PTPN9: variants seen among roughly 807,000 people sequenced by gnomAD.
PTPN9 encodes tyrosine-protein phosphatase non-receptor type 9.
A neutral mutation model predicts 69.8 loss-of-function variants in PTPN9; 26 were observed. That is an observed-to-expected ratio of 0.37 (90% CI 0.27 to 0.52). PTPN9 has a LOEUF of 0.52. Among genes scored for constraint, PTPN9 ranks in the 20% least tolerant of loss-of-function variants. The pLI is 0.91. For missense variants in PTPN9, 549 were observed against 740.3 expected (o/e 0.74, Z 3.00); for synonymous variants, 274 against 272.5 (o/e 1.01, Z -0.05).
At chr15:75,503,549 G>C (rs2074788173) in intron 7 of PTPN9, among the ~76,000 whole-genome samples, 1 of 117,174 alleles carries the variant, frequency 8.5e-6, no homozygotes, top group Non-Finnish European at 1.9e-5. Flanking sequence ...GGAGGTGGGG[G>C]GGTCAGCCCC....
chr15:75,520,133 A>G (rs28610581), intron 4 of PTPN9, among the ~76,000 whole-genome samples: 50,706 of 151,830 alleles, frequency 0.33, 9,595 homozygotes, highest in African/African-American at 0.5. Context: ...TCTCTTAAAT[A>G]AAAAGAAACA....
intron 1 of PTPN9, among the ~76,000 whole-genome samples, chr15:75,575,773 G>T (rs1004650616): frequency 2.7e-5 from 4 of 150,826 alleles, no homozygotes; most frequent in African/African-American, 9.7e-5. Context: ...TGAAAAATTA[G>T]CCAGGCGTGG....
intron 10 of PTPN9, among the ~76,000 whole-genome samples, 180 bp downstream of exon 10, chr15:75,473,509 C>G (rs2074579860): frequency 6.6e-6 from 1 of 152,196 alleles, no homozygotes; most frequent in South Asian, 2.1e-4. Flanking sequence ...CCAGGCTAGT[C>G]TGGAACTCCT....
chr15:75,529,466 A>T (rs2074945482), intron 1 of PTPN9, among the ~76,000 whole-genome samples: 1 of 152,160 alleles, frequency 6.6e-6, no homozygotes, highest in Admixed American at 6.6e-5. Context: ...ATTTATTCAT[A>T]TTTAATAAGC....
rs772226681 is a variant in PTPN9, at chr15:75,473,813, T to G, written c.1130-46A>C. 3 of 1,467,072 alleles carry G rather than the reference T, an allele frequency of 2.0e-6. No homozygotes were observed. The Admixed American group carries it at 5.3e-5, about 26-fold the overall frequency. The allele number at this position is 1,467,072 out of a possible 1,614,324, so 90.9% of individuals were successfully genotyped here. A position where few individuals can be genotyped will look rare whatever the true frequency, so the allele number is the denominator to read the frequency against. On this transcript the variant is annotated intron_variant, in intron 9 of 12. Transcript: ENST00000618819. ...AAGAAACATGACTCTGGGAAACACT[T>G]TTTTTCTTTTGTAGGCGCTTCTGTT...
rs574781054 is a variant in PTPN9 at position 75,505,875 on chromosome 15, G to A, written c.768C>T (p.Gly256=). Residue 256 remains glycine, a synonymous_variant, in exon 7 of 13, where the codon GGC becomes GGT. Transcript: ENST00000618819. ...WNFQFLPQVN[G]HPDPFDEIIL... ...TGATCTCATCGAAGGGATCTGGGTG[G>A]CCGTTCACCTGGGGTAGGAACTGGA... The A allele has an allele frequency of 9.9e-6, 16 of 1,614,134 alleles. No individual in the cohort carries two copies. Among genetic ancestry groups the A allele is most frequent in the Non-Finnish European group, 1.4e-5 (16 of 1,180,028 alleles).
chr15:75,578,916 C>T lies in PTPN9; in HGVS notation c.-140G>A. 1 of 423,634 alleles carries T rather than the reference C, an allele frequency of 2.4e-6. No homozygotes were observed. The highest frequency in any genetic ancestry group is 3.6e-6 in the Non-Finnish European group (1 of 274,562). The allele number at this position is 423,634 out of a possible 1,614,324, so 26.2% of individuals were successfully genotyped here. A position where few individuals can be genotyped will look rare whatever the true frequency, so the allele number is the denominator to read the frequency against. Reference sequence around the variant, plus strand: ...TAGTGTGGCCGGCAGGGCCCGGCGCCTGCAGCGGCCGCAAACGCCGCTTCT... The same window carrying T: ...TAGTGTGGCCGGCAGGGCCCGGCGCTTGCAGCGGCCGCAAACGCCGCTTCT... On this transcript the variant is annotated 5_prime_UTR_variant, in exon 1 of 13. Transcript: ENST00000618819.
chr15:75,495,743 CAAT>C (rs1412105669), intron 7 of PTPN9, among the ~76,000 whole-genome samples: 3 of 151,196 alleles, frequency 2.0e-5, no homozygotes, highest in Non-Finnish European at 4.4e-5. Context: ...ACAACAACAA[CAAT>C]AAAAAACAAA....
chr15:75,468,872 G>T lies in PTPN9; in HGVS notation c.1679C>A (p.Thr560Asn), dbSNP rs1030951288. The change falls in exon 13 of 13, where the codon ACC becomes AAC. Residue 560 changes from threonine to asparagine, a missense_variant. Transcript: ENST00000618819. ...MRTQRAFSIQ[T>N]PEQYYFCYKA... ...GTAGCAAAAATAGTACTGCTCAGGGGTCTGGATGCTGAAGGCCCTCTGGGT... is the reference window on the plus strand; with the variant it reads ...GTAGCAAAAATAGTACTGCTCAGGGTTCTGGATGCTGAAGGCCCTCTGGGT... The T allele has an allele frequency of 2.5e-6, 4 of 1,614,064 alleles. No homozygotes were observed. Among genetic ancestry groups the T allele is most frequent in the African/African-American group, 1.3e-5 (1 of 74,914 alleles).
At chr15:75,496,253 T>C (rs2074740512) in intron 7 of PTPN9, among the ~76,000 whole-genome samples, 2 of 150,222 alleles carry the variant, frequency 1.3e-5, no homozygotes, top group African/African-American at 4.9e-5. Context: ...CTGGCCAACA[T>C]GGTGAAATCC....
At chr15:75,554,077 G>A (rs1471781885) in intron 1 of PTPN9, among the ~76,000 whole-genome samples, 1 of 146,176 alleles carries the variant, frequency 6.8e-6, no homozygotes, top group Non-Finnish European at 1.5e-5. Flanking sequence ...GTATTGCAGT[G>A]GCACAATCAT....
chr15:75,578,673 G>T, intron 1 of PTPN9, 41 bp downstream of exon 1: 2 of 1,347,194 alleles, frequency 1.5e-6, no homozygotes, highest in Non-Finnish European at 1.9e-6. Context: ...AGGCCTCGGG[G>T]GCCCGGACAC....
chr15:75,505,897 T>G lies in PTPN9; in HGVS notation c.746A>C (p.Gln249Pro). Reference protein sequence around the residue: ...VKIDLATWNFQFLPQVNGHPD... With the variant: ...VKIDLATWNFPFLPQVNGHPD... ...GTGGCCGTTCACCTGGGGTAGGAAC[T>G]GGAAATTCCAAGTGGCGAGATCAAT... is the stretch of plus-strand genomic sequence containing the variant. The change falls in exon 7 of 13, where the codon CAG becomes CCG. Residue 249 changes from glutamine to proline, a missense_variant. This residue lies in a region of PTPN9 where 457 missense variants were observed against 661.9 expected (regional missense o/e 0.69). Transcript: ENST00000618819. 1.2e-6 allele frequency: 2 copies of G among 1,614,044 alleles called. No homozygotes were observed. Among genetic ancestry groups the G allele is most frequent in the Non-Finnish European group, 1.7e-6 (2 of 1,179,972 alleles).
chr15:75,483,397 T>G (rs2074655986), intron 8 of PTPN9, among the ~76,000 whole-genome samples: 1 of 152,216 alleles, frequency 6.6e-6, no homozygotes. Flanking sequence ...AGTGATGTGA[T>G]GATACATGCT....
intron 7 of PTPN9, among the ~76,000 whole-genome samples, chr15:75,495,325 GA>G (rs887552912): frequency 2.7e-5 from 4 of 148,050 alleles, no homozygotes; most frequent in Non-Finnish European, 4.5e-5. Context: ...GAGGTCTCAG[GA>G]AAAAAAAAAT....
chr15:75,545,682 G>A (rs1469218214), intron 1 of PTPN9, among the ~76,000 whole-genome samples: 1 of 152,218 alleles, frequency 6.6e-6, no homozygotes, highest in East Asian at 1.9e-4. Context: ...GCTCATGCCT[G>A]TAATCCCAGC....
In PTPN9 at chr15:75,523,126, C is replaced by T. The variant is rs762640317; in HGVS notation, c.417G>A (p.Val139=). ...AAAATAATCTCAATGCTTACCTATC[C>T]ACAGCTCTGTCTAGCAAGTAAAACA... is the stretch of plus-strand genomic sequence containing the variant. ...QALFYLLDRA[V]DSFETQRNGL... is the part of the protein sequence containing the mutation. Residue 139 remains valine (V), a synonymous_variant, in exon 4 of 13, where the codon GTG becomes GTA. Coordinates refer to ENST00000618819, the MANE Select transcript of PTPN9 (RefSeq NM_002833.4). 4 of 1,613,578 alleles carry T rather than the reference C, an allele frequency of 2.5e-6. No individual in the cohort carries two copies. In the East Asian group the frequency reaches 6.7e-5, roughly 27 times the overall value.
chr15:75,483,946 C>G (rs552897485), intron 8 of PTPN9, among the ~76,000 whole-genome samples: 4 of 152,198 alleles, frequency 2.6e-5, no homozygotes, highest in Non-Finnish European at 5.9e-5. Context: ...GCTGACCAAT[C>G]GTTACCTCCT....
chr15:75,505,820 A>G lies in PTPN9; in HGVS notation c.823T>C (p.Trp275Arg), dbSNP rs116470185. 1.9e-6 allele frequency: 3 copies of G among 1,614,066 alleles called. No individual in the cohort carries two copies. The East Asian group carries it at 6.7e-5, about 36-fold the overall frequency. Residue 275 changes from tryptophan (W) to arginine (R), a missense_variant, in exon 7 of 13, where the codon TGG becomes CGG. Transcript: ENST00000618819. The part of the protein sequence containing the change: ...ILFSLPPALD[W>R]DSVHVPGPHA... ...GGACCTGGAACATGTACTGAGTCCC[A>G]GTCTAAGGCAGGAGGGAGGGAGAAC...
Sources: allele counts gnomAD v4.1 joint callset (sites outside exome capture counted in the v4.1 genomes callset), GRCh38; gene constraint gnomAD v4.1.1; regional missense constraint gnomAD v4.1.1; transcripts MANE v1.5; gene names NCBI Gene and HGNC (gene_info 2026-07-23, HGNC 2026-07-21).